SLC44A5: variants seen among roughly 807,000 people sequenced by gnomAD.
The protein encoded by SLC44A5 is solute carrier family 44 member 5.
SLC44A5 carries 57 observed loss-of-function variants against 101.8 expected under a neutral mutation model. That is an observed-to-expected ratio of 0.56 (90% CI 0.45 to 0.70). SLC44A5 has a LOEUF of 0.70. SLC44A5 is among the 30% of genes least tolerant of loss of function. The pLI, the probability that SLC44A5 is intolerant of heterozygous loss-of-function variation, is 0.00. For synonymous variants in SLC44A5, 281 were observed against 290.9 expected, an observed-to-expected ratio of 0.97 and a Z score of 0.35; for missense variants, 737 against 853.1, an observed-to-expected ratio of 0.86 and a Z score of 1.70.
At chr1:75,362,709 TA>T (rs903571460) in intron 3 of SLC44A5, among the ~76,000 whole-genome samples, 1 of 152,042 alleles carries the variant, frequency 6.6e-6, no homozygotes, top group African/African-American at 2.4e-5. Context: ...TTTTGTGACC[TA>T]AAATATGACC....
chr1:75,476,732 T>A (rs1030071799), intron 2 of SLC44A5, among the ~76,000 whole-genome samples: 1 of 152,160 alleles, frequency 6.6e-6, no homozygotes, highest in African/African-American at 2.4e-5. Context: ...CTTGCTTAGG[T>A]AGACAAAGCA....
intron 1 of SLC44A5, among the ~76,000 whole-genome samples, chr1:75,554,390 C>T (rs1672107635): frequency 6.6e-6 from 1 of 151,252 alleles, no homozygotes; most frequent in South Asian, 2.1e-4. Flanking sequence ...ATTGCTTGAA[C>T]CCAGGAAACA....
intron 2 of SLC44A5, among the ~76,000 whole-genome samples, chr1:75,488,536 T>G (rs1253710002): frequency 6.6e-6 from 1 of 152,240 alleles, no homozygotes; most frequent in African/African-American, 2.4e-5. Context: ...AAGTACTGAG[T>G]TAATTTGTGT....
chr1:75,475,413 G>A (rs182419055), intron 2 of SLC44A5, among the ~76,000 whole-genome samples: 165 of 152,256 alleles, frequency 1.1e-3, no homozygotes, highest in African/African-American at 2.8e-3. Context: ...CTCAATTAGC[G>A]ATTGAGTTTA....
chr1:75,565,155 A>G (rs1293783220), intron 1 of SLC44A5, among the ~76,000 whole-genome samples: 1 of 152,146 alleles, frequency 6.6e-6, no homozygotes, highest in Non-Finnish European at 1.5e-5. Context: ...CTGCCCCAAA[A>G]CCATCACTAT....
the SLC44A5 span, among the ~76,000 whole-genome samples, chr1:75,618,282 A>G: frequency 6.6e-6 from 1 of 152,216 alleles, no homozygotes; most frequent in Non-Finnish European, 1.5e-5. Context: ...CCTTACATGC[A>G]TTATCTCAAT....
At chr1:75,268,477 C>T (rs975338881) in intron 6 of SLC44A5, among the ~76,000 whole-genome samples, 24 of 152,038 alleles carry the variant, frequency 1.6e-4, no homozygotes, top group Non-Finnish European at 2.9e-4. Context: ...TTAACTTAAA[C>T]GTAGGCTTCA....
chr1:75,478,313 G>A (rs1189749238), intron 2 of SLC44A5, among the ~76,000 whole-genome samples: 2 of 152,192 alleles, frequency 1.3e-5, no homozygotes, highest in Non-Finnish European at 2.9e-5. Context: ...AAATTGTAAA[G>A]ACCATCGAGG....
chr1:75,479,347 A>G (rs1452947197), intron 2 of SLC44A5, among the ~76,000 whole-genome samples: 34 of 152,148 alleles, frequency 2.2e-4, no homozygotes, highest in Admixed American at 2.2e-3. Flanking sequence ...AAGAACTAGA[A>G]AAGCAAGAGC....
Position 75,524,070 on chromosome 1 carries a change from A to G in SLC44A5, c.13+17365T>C, listed in dbSNP as rs139011644. Among the ~76,000 whole-genome samples, 4 of 152,358 alleles carry G rather than the reference A, an allele frequency of 2.6e-5. No homozygotes were observed. In the East Asian group the frequency reaches 7.7e-4, roughly 29 times the overall value. ...CCACCCACATCTCAGGTTGAATTAT[A>G]ATCTGCAGTGTTTGAGAAAGGACCA... On this transcript the variant is annotated intron_variant, in intron 2 of 23. Coordinates refer to ENST00000370859, the MANE Select transcript of SLC44A5 (RefSeq NM_001130058.2).
At chr1:75,650,279 G>A in the SLC44A5 span, among the ~76,000 whole-genome samples, 1 of 152,094 alleles carries the variant, frequency 6.6e-6, no homozygotes, top group Non-Finnish European at 1.5e-5. Flanking sequence ...TGCACATGCA[G>A]CGTGTTGTAC....
intron 2 of SLC44A5, among the ~76,000 whole-genome samples, chr1:75,486,467 A>G (rs1668154883): frequency 6.6e-6 from 1 of 152,250 alleles, no homozygotes; most frequent in African/African-American, 2.4e-5. Flanking sequence ...TTAATTTTCC[A>G]AAATTCAGAG....
chr1:75,703,321 T>A, the SLC44A5 span, among the ~76,000 whole-genome samples: 1 of 152,106 alleles, frequency 6.6e-6, no homozygotes, highest in Non-Finnish European at 1.5e-5. Flanking sequence ...CATGGAATAC[T>A]ATGCAGACAT....
the SLC44A5 span, among the ~76,000 whole-genome samples, chr1:75,627,307 T>A: frequency 6.6e-6 from 1 of 152,108 alleles, no homozygotes; most frequent in Non-Finnish European, 1.5e-5. Context: ...TGGTAAGTAA[T>A]CCTTAACAAG....
chr1:75,412,952 T>C (rs1177043942), intron 2 of SLC44A5, among the ~76,000 whole-genome samples: 1 of 152,140 alleles, frequency 6.6e-6, no homozygotes, highest in African/African-American at 2.4e-5. Flanking sequence ...AGGTCAATAG[T>C]AGCCTAATGC....
At chr1:75,681,587 A>T in the SLC44A5 span, among the ~76,000 whole-genome samples, 1 of 151,124 alleles carries the variant, frequency 6.6e-6, no homozygotes, top group East Asian at 1.9e-4. Context: ...TCAATAAATT[A>T]GGTATTGATG....
intron 2 of SLC44A5, among the ~76,000 whole-genome samples, chr1:75,455,969 A>G (rs1315969371): frequency 6.6e-6 from 1 of 152,174 alleles, no homozygotes; most frequent in Non-Finnish European, 1.5e-5. Flanking sequence ...CAATAACTTA[A>G]AACAGAACTA....
the SLC44A5 span, chr1:75,642,054 C>A: frequency 7.3e-7 from 1 of 1,360,766 alleles, no homozygotes. Flanking sequence ...TCTGTGTCTT[C>A]TGGTCCAATG....
chr1:75,321,154 T>A (rs1656113009), intron 4 of SLC44A5, among the ~76,000 whole-genome samples: 1 of 152,194 alleles, frequency 6.6e-6, no homozygotes, highest in Non-Finnish European at 1.5e-5. Flanking sequence ...TCTCTAATTT[T>A]ATGAGAGAAA....
Sources: gnomAD v4.1 joint callset for allele counts (sites outside exome capture counted in the v4.1 genomes callset) on GRCh38, gnomAD v4.1.1 for gene constraint, MANE v1.5 for transcripts, NCBI Gene and HGNC (gene_info 2026-07-23, HGNC 2026-07-21) for gene names.